The following GRIN3A variants were observed in gnomAD, a reference collection of about 807,000 sequenced individuals.
GRIN3A encodes the protein glutamate receptor ionotropic, NMDA 3A.
In GRIN3A, 47 loss-of-function variants were observed where a neutral mutation model predicts 92.4. The observed-to-expected ratio is 0.51, with a 90% CI of 0.40 to 0.65. GRIN3A has a LOEUF of 0.65. Among genes scored for constraint, GRIN3A ranks in the 30% least tolerant of loss-of-function variants. The probability of loss-of-function intolerance (pLI) is 0.00; values close to 1 mark genes in which losing one functional copy is unlikely to be tolerated. For missense variants in GRIN3A, 1,324 were observed against 1,393.1 expected (o/e 0.95, Z 0.79); for synonymous variants, 527 against 540.6 (o/e 0.97, Z 0.35).
chr9:101,571,149 C>T lies in GRIN3A; in HGVS notation c.*2025G>A, dbSNP rs1827753362. 6.6e-6 allele frequency: 1 copy of T among 152,182 alleles called. No homozygotes were observed. Among genetic ancestry groups the T allele is most frequent in the Admixed American group, 6.5e-5 (1 of 15,276 alleles). The allele number at this position is 152,182 out of a possible 1,614,324, so 9.4% of individuals were successfully genotyped here. ...CGTGAGGGGATGGGGTGTTTCAACACAGAACTGTCCTTTTGTGTTTTCAGG... is the reference window on the plus strand; with the variant it reads ...CGTGAGGGGATGGGGTGTTTCAACATAGAACTGTCCTTTTGTGTTTTCAGG... On this transcript the variant is annotated 3_prime_UTR_variant, in exon 9 of 9. Transcript: ENST00000361820.
chr9:101,676,706 G>A (rs116040418), intron 2 of GRIN3A, among the ~76,000 whole-genome samples: 7,700 of 151,920 alleles, frequency 0.051, 648 homozygotes, highest in African/African-American at 0.18. Context: ...TACTTGTCAG[G>A]ATTACTTGCT....
intron 2 of GRIN3A, among the ~76,000 whole-genome samples, chr9:101,672,173 AATTTACTTGAAC>A (rs1829336339): frequency 1.4e-5 from 1 of 69,188 alleles, no homozygotes. Context: ...GCCCTTGAAC[AATTTACTTGAAC>A]AATTTACTTA....
intron 1 of GRIN3A, among the ~76,000 whole-genome samples, chr9:101,701,086 C>T (rs1829746571): frequency 6.6e-6 from 1 of 152,100 alleles, no homozygotes. Flanking sequence ...CTTCTTGCCC[C>T]AGATTTGCCA....
chr9:101,679,665 G>A (rs1476898220), intron 2 of GRIN3A, among the ~76,000 whole-genome samples: 1 of 152,104 alleles, frequency 6.6e-6, no homozygotes, highest in African/African-American at 2.4e-5. Flanking sequence ...TTTTCTAGAA[G>A]TATCAACACC....
intron 3 of GRIN3A, among the ~76,000 whole-genome samples, chr9:101,647,781 T>C (rs1828958273): frequency 6.6e-6 from 1 of 151,936 alleles, no homozygotes; most frequent in Non-Finnish European, 1.5e-5. Flanking sequence ...AGTATAGTTG[T>C]TAATAACGGT....
chr9:101,654,282 C>A, intron 3 of GRIN3A, among the ~76,000 whole-genome samples: 1 of 114,298 alleles, frequency 8.7e-6, no homozygotes, highest in Admixed American at 9.1e-5. Context: ...CATACACATG[C>A]ACATATATAT....
chr9:101,709,176 T>A (rs1173721764), intron 1 of GRIN3A, among the ~76,000 whole-genome samples: 1 of 152,092 alleles, frequency 6.6e-6, no homozygotes, highest in Non-Finnish European at 1.5e-5. Flanking sequence ...CCGGACATGA[T>A]AAAGGAAGCT....
At chr9:101,631,953 T>C (rs573560529) in intron 3 of GRIN3A, among the ~76,000 whole-genome samples, 54 of 152,332 alleles carry the variant, frequency 3.5e-4, no homozygotes, top group African/African-American at 1.2e-3. Context: ...ACTTGCTTAA[T>C]GCCCATCAAT....
In GRIN3A at chr9:101,570,760, A is replaced by G. The variant is rs1487870108; in HGVS notation, c.*2414T>C. On this transcript the variant is annotated 3_prime_UTR_variant, in exon 9 of 9. Transcript: ENST00000361820. ...GCCTCACTAGAGAAGCTTAAGGTAA[A>G]TCCGATATACAAAAATGCAGACTTA... is the stretch of plus-strand genomic sequence containing the variant. 1 of 152,620 alleles carries G rather than the reference A, an allele frequency of 6.6e-6. No individual in the cohort carries two copies. The highest frequency in any genetic ancestry group is 6.5e-5 in the Admixed American group (1 of 15,280). The allele number at this position is 152,620 out of a possible 1,614,324, so 9.5% of individuals were successfully genotyped here. A position where few individuals can be genotyped will look rare whatever the true frequency, so the allele number is the denominator to read the frequency against.
chr9:101,695,598 T>C (rs1423216842), intron 1 of GRIN3A, among the ~76,000 whole-genome samples: 1 of 152,146 alleles, frequency 6.6e-6, no homozygotes, highest in Non-Finnish European at 1.5e-5. Context: ...AGGAGGTGGC[T>C]GGAAATGTGA....
intron 3 of GRIN3A, among the ~76,000 whole-genome samples, chr9:101,661,241 T>C (rs915879780): frequency 6.6e-6 from 1 of 151,918 alleles, no homozygotes; most frequent in Non-Finnish European, 1.5e-5. Flanking sequence ...GTCTCATGTC[T>C]GAAATATTCT....
At chr9:101,594,296 C>T in intron 6 of GRIN3A, 1 of 1,380,492 alleles carries the variant, frequency 7.2e-7, no homozygotes, top group Non-Finnish European at 9.8e-7. Context: ...TATGGCTTCA[C>T]AAAAAGAAAT....
chr9:101,609,822 G>A (rs1588246744), intron 6 of GRIN3A, among the ~76,000 whole-genome samples: 1 of 152,270 alleles, frequency 6.6e-6, no homozygotes, highest in East Asian at 1.9e-4. Context: ...ACAGGATTGG[G>A]AGGCTCCTTT....
chr9:101,685,872 A>G (rs902664528), intron 2 of GRIN3A, among the ~76,000 whole-genome samples: 9 of 152,134 alleles, frequency 5.9e-5, no homozygotes, highest in African/African-American at 1.9e-4. Flanking sequence ...TCTATGGGTA[A>G]TAGGATCTAC....
intron 1 of GRIN3A, among the ~76,000 whole-genome samples, chr9:101,690,115 G>A (rs1246130127): frequency 6.6e-6 from 1 of 152,060 alleles, no homozygotes; most frequent in East Asian, 1.9e-4. Context: ...GAAGAGAGAG[G>A]TGGGAGGGAG....
chr9:101,672,127 C>T (rs1361823370), intron 2 of GRIN3A, among the ~76,000 whole-genome samples: 2 of 152,132 alleles, frequency 1.3e-5, no homozygotes, highest in Admixed American at 6.6e-5. Flanking sequence ...CAGATCCACC[C>T]CCATTTGAAT....
At chr9:101,589,707 TA>T (rs1468567029) in intron 6 of GRIN3A, among the ~76,000 whole-genome samples, 2 of 152,220 alleles carry the variant, frequency 1.3e-5, no homozygotes, top group Non-Finnish European at 2.9e-5. Flanking sequence ...TTTTATTATA[TA>T]AAAGTTTGAA....
intron 3 of GRIN3A, among the ~76,000 whole-genome samples, chr9:101,642,884 A>G (rs999514867): frequency 6.6e-6 from 1 of 152,142 alleles, no homozygotes; most frequent in African/African-American, 2.4e-5. Context: ...ACTGTCTTTT[A>G]TCACCCCCAG....
At chr9:101,676,277 T>G (rs1187731144) in intron 2 of GRIN3A, among the ~76,000 whole-genome samples, 1 of 150,666 alleles carries the variant, frequency 6.6e-6, no homozygotes, top group Non-Finnish European at 1.5e-5. Context: ...CTACCTCTCT[T>G]TTTTTTCTTT....
Sources: allele counts gnomAD v4.1 joint callset (sites outside exome capture counted in the v4.1 genomes callset), GRCh38; gene constraint gnomAD v4.1.1; transcripts MANE v1.5; gene names NCBI Gene and HGNC (gene_info 2026-07-23, HGNC 2026-07-21).